The following CP variants were observed in gnomAD, a reference collection of about 807,000 sequenced individuals.
CP encodes the protein caeruloplasmin.
In CP, 64 loss-of-function variants were observed where a neutral mutation model predicts 122.4. That is an observed-to-expected ratio of 0.52 (90% confidence interval 0.43 to 0.64). The LOEUF (loss-of-function observed/expected upper bound fraction) is 0.64, where lower values mean the gene tolerates loss of function less well. Ranked by LOEUF, CP falls within the 30% of genes least tolerant of loss-of-function variation. CP has a pLI of 0.00. For synonymous variants in CP, 440 were observed against 436.4 expected (o/e 1.01, Z -0.10); for missense variants, 1,167 against 1,284.4 (o/e 0.91, Z 1.40).
At chr3:149,184,298 G>A (rs1461120913) in intron 12 of CP, among the ~76,000 whole-genome samples, 1 of 151,980 alleles carries the variant, frequency 6.6e-6, no homozygotes, top group Non-Finnish European at 1.5e-5. Flanking sequence ...GCCTCCCAAA[G>A]TGCTGGGATT....
chr3:149,190,377 G>T (rs892750995), intron 9 of CP, among the ~76,000 whole-genome samples: 1 of 152,130 alleles, frequency 6.6e-6, no homozygotes, highest in Admixed American at 6.5e-5. Context: ...ACATAAACAG[G>T]CTGGGTGCGG....
Position 149,183,542 on chromosome 3 carries a change from C to A in CP, c.2349G>T (p.Val783=), listed in dbSNP as rs1245707193. The A allele has an allele frequency of 1.2e-6, 2 of 1,610,314 alleles. No individual in the cohort carries two copies. Among genetic ancestry groups the A allele is most frequent in the Non-Finnish European group, 1.7e-6 (2 of 1,178,394 alleles). The change falls in exon 13 of 19, where the codon GTG becomes GTT. Residue 783 remains valine (V), a synonymous_variant. Coordinates refer to ENST00000264613, the MANE Select transcript of CP (RefSeq NM_000096.4). ...FYIGSKYKKV[V]YRQYTDSTFR... is the part of the protein sequence containing the mutation. Reference sequence around the variant, plus strand: ...ATGTGCTATCAGTATACTGCCGATACACAACTTTCTTGTACTTTGAGCCTA... The same window carrying A: ...ATGTGCTATCAGTATACTGCCGATAAACAACTTTCTTGTACTTTGAGCCTA...
At chr3:149,209,762 T>C (rs1478127081) in intron 3 of CP, among the ~76,000 whole-genome samples, 1 of 152,216 alleles carries the variant, frequency 6.6e-6, no homozygotes, top group African/African-American at 2.4e-5. Context: ...AGCTCCGTTG[T>C]CTTTTTCATG....
intron 4 of CP, chr3:149,167,070 A>G: frequency 1.2e-6 from 2 of 1,613,726 alleles, no homozygotes; most frequent in Non-Finnish European, 1.7e-6. Context: ...CATAGCTTCC[A>G]TTATTCCGTT....
intron 8 of CP, 100 bp downstream of exon 8, chr3:149,199,612 C>T (rs1727161576): frequency 7.1e-7 from 1 of 1,412,362 alleles, no homozygotes; most frequent in Middle Eastern, 2.4e-4. Context: ...GAGCGGTTTC[C>T]TTGGGAGTTC....
At chr3:149,214,269 A>G (rs1312788249) in intron 1 of CP, among the ~76,000 whole-genome samples, 1 of 152,150 alleles carries the variant, frequency 6.6e-6, no homozygotes, top group East Asian at 1.9e-4. Context: ...TGCTGGGGCC[A>G]GGTACCATGG....
intron 9 of CP, among the ~76,000 whole-genome samples, chr3:149,193,181 G>A (rs1576752578): frequency 6.6e-6 from 1 of 152,166 alleles, no homozygotes; most frequent in Non-Finnish European, 1.5e-5. Context: ...ATGAAGAGCA[G>A]TTTGACAAGC....
At chr3:149,165,386 A>G (rs1478260452) in intron 5 of CP, among the ~76,000 whole-genome samples, 1 of 152,242 alleles carries the variant, frequency 6.6e-6, no homozygotes, top group African/African-American at 2.4e-5. Flanking sequence ...AATATTTTAA[A>G]AGGAAAATAT....
At chr3:149,164,170 G>A (rs1724182390) in intron 5 of CP, among the ~76,000 whole-genome samples, 1 of 152,172 alleles carries the variant, frequency 6.6e-6, no homozygotes, top group Non-Finnish European at 1.5e-5. Context: ...TTTGTTGTAG[G>A]TGGATGAACG....
At chr3:149,188,293 A>G in intron 9 of CP, 91 bp from the exon 10 acceptor site, 1 of 1,097,372 alleles carries the variant, frequency 9.1e-7, no homozygotes, top group East Asian at 2.4e-5. Flanking sequence ...AACACACCTA[A>G]AGGAAAGAAT....
Position 149,162,816 on chromosome 3 carries a change from A to C in CP, c.*73T>G, listed in dbSNP as rs751525171. On this transcript the variant is annotated 3_prime_UTR_variant, in exon 6 of 6. Coordinates refer to the CP transcript ENST00000479771. Reference sequence around the variant, plus strand: ...CTTTTTCAAACTCACATCACAGTACATCTGGAGATTGTCTAAGAGGCAGCC... The same window carrying C: ...CTTTTTCAAACTCACATCACAGTACCTCTGGAGATTGTCTAAGAGGCAGCC... 5 of 1,613,986 alleles carry C rather than the reference A, an allele frequency of 3.1e-6. No individual in the cohort carries two copies. Among genetic ancestry groups the C allele is most frequent in the African/African-American group, 1.3e-5 (1 of 74,938 alleles).
At position 149,183,496 on chromosome 3, in the gene CP, T is replaced by G; in HGVS notation, c.2395A>C (p.Lys799Gln). 6.2e-7 allele frequency: 1 copy of G among 1,611,852 alleles called. No individual in the cohort carries two copies. ...ATTCCCAGATGTTCTTCTTCAGCTT[T>G]TCTCTCCACTGGAACACGGAATGTG... ...DSTFRVPVER[K>Q]AEEEHLGILG... is the part of the protein sequence containing the mutation. Residue 799 changes from lysine (K) to glutamine (Q), a missense_variant, in exon 13 of 19, where the codon AAA becomes CAA. Physicochemically the swap from Lys to Gln is moderately conservative, Grantham distance 53. Transcript: ENST00000264613.
At chr3:149,190,434 G>A (rs1453594647) in intron 9 of CP, among the ~76,000 whole-genome samples, 1 of 152,146 alleles carries the variant, frequency 6.6e-6, no homozygotes, top group Non-Finnish European at 1.5e-5. Flanking sequence ...GAGGCAGGCA[G>A]ATCACTTGAG....
At chr3:149,169,244 T>A (rs1724742969), downstream of CP, among the ~76,000 whole-genome samples, 1 of 152,158 alleles carries the variant, frequency 6.6e-6, no homozygotes. Context: ...GAACTTTAGG[T>A]TCGTTTCACA....
intron 14 of CP, chr3:149,180,253 C>T (rs1416912951): frequency 1.3e-5 from 2 of 159,024 alleles, no homozygotes; most frequent in Non-Finnish European, 2.8e-5. Context: ...TCCAGTCCAT[C>T]TCATTCTATC....
chr3:149,190,656 TAAAAAAAAAAA>T (rs146345788), intron 9 of CP, among the ~76,000 whole-genome samples: 2 of 64,116 alleles, frequency 3.1e-5, no homozygotes, highest in African/African-American at 9.3e-5. Context: ...AGACTCTGTC[TAAAAAAAAAAA>T]AAAAAAAAAA....
At chr3:149,174,352 G>C (rs1007166389) in intron 18 of CP, among the ~76,000 whole-genome samples, 23 of 152,070 alleles carry the variant, frequency 1.5e-4, no homozygotes, top group African/African-American at 5.3e-4. Flanking sequence ...TTGTATTGTG[G>C]TCATGTACAA....
downstream of CP, chr3:149,172,065 A>G (rs1419825235): frequency 2.5e-6 from 4 of 1,608,526 alleles, no homozygotes; most frequent in African/African-American, 1.3e-5. Context: ...CAGACTTTCA[A>G]TTCTAATTCA....
chr3:149,167,194 A>G, intron 4 of CP: 1 of 1,613,884 alleles, frequency 6.2e-7, no homozygotes, highest in Middle Eastern at 1.7e-4. Flanking sequence ...AGATGCCCGG[A>G]GGCAGTCATT....
Sources: allele counts gnomAD v4.1 joint callset (sites outside exome capture counted in the v4.1 genomes callset), GRCh38; gene constraint gnomAD v4.1.1; transcripts MANE v1.5; gene names NCBI Gene and HGNC (gene_info 2026-07-23, HGNC 2026-07-21).